Variants in KLHL1 observed in about 807,000 individuals in gnomAD.
KLHL1 encodes kelch like family member 1, also known as kelch-like protein 1.
Under a neutral mutation model 77.7 loss-of-function variants are expected in KLHL1, and 47 were observed. That is an observed-to-expected ratio of 0.60 (90% CI 0.48 to 0.77). The LOEUF (loss-of-function observed/expected upper bound fraction) is 0.77, where lower values mean the gene tolerates loss of function less well. Among genes scored for constraint, KLHL1 ranks in the 30% least tolerant of loss-of-function variants. The pLI is 0.00. For missense variants in KLHL1, 925 were observed against 910.8 expected, an observed-to-expected ratio of 1.02 and a Z score of -0.20; for synonymous variants, 360 against 325.2, an observed-to-expected ratio of 1.11 and a Z score of -1.15.
intron 3 of KLHL1, among the ~76,000 whole-genome samples, chr13:69,955,310 G>C (rs182001577): frequency 6.6e-6 from 1 of 151,320 alleles, no homozygotes; most frequent in Non-Finnish European, 1.5e-5. Context: ...ATGTTTGGCA[G>C]TAAGCAGAAG....
chr13:69,726,079 T>C (rs1873286590), intron 8 of KLHL1, among the ~76,000 whole-genome samples: 1 of 152,164 alleles, frequency 6.6e-6, no homozygotes, highest in South Asian at 2.1e-4. Flanking sequence ...TGTATAGTTA[T>C]TTACAATTTT....
intron 4 of KLHL1, among the ~76,000 whole-genome samples, chr13:69,917,459 C>T (rs1422369413): frequency 6.6e-6 from 1 of 152,056 alleles, no homozygotes; most frequent in Non-Finnish European, 1.5e-5. Context: ...AAACCCCCGT[C>T]CCAGTGAGCA....
intron 1 of KLHL1, among the ~76,000 whole-genome samples, chr13:69,977,918 A>G (rs929058873): frequency 2.0e-5 from 3 of 152,208 alleles, no homozygotes; most frequent in Admixed American, 6.5e-5. Flanking sequence ...TTCTATATCC[A>G]CTGATATTAC....
At position 70,086,584 on chromosome 13, in the gene KLHL1, AAAAAAAAAAGAAAGAAAGAAAG is replaced by A. The variant is rs1338294036; in HGVS notation, c.497+20597_497+20618del. Among the ~76,000 whole-genome samples the A allele has an allele frequency of 1.8e-4, 15 of 83,138 alleles. 1 individual carries two copies. Among genetic ancestry groups the A allele is most frequent in the African/African-American group, 5.7e-4 (11 of 19,172 alleles). 54.5% of individuals were successfully genotyped at this position (83,138 alleles called of 152,430 possible). ...GGAAGCTCTGTCTCAAAAAAAAAAA[AAAAAAAAAAGAAAGAAAGAAAG>A]AAAGAAAGAAAGAAAGAAAGAAAGA... On this transcript the variant is annotated intron_variant, in intron 1 of 10. Coordinates refer to ENST00000377844, the MANE Select transcript of KLHL1 (RefSeq NM_020866.3).
intron 1 of KLHL1, among the ~76,000 whole-genome samples, chr13:70,005,681 C>T (rs1371920937): frequency 1.3e-5 from 2 of 151,628 alleles, no homozygotes; most frequent in Admixed American, 6.6e-5. Context: ...TTGCTTATTT[C>T]GCTTTGATTA....
intron 2 of KLHL1, 22 bp from the exon 3 acceptor site, chr13:69,961,466 A>C: frequency 6.2e-7 from 1 of 1,611,794 alleles, no homozygotes; most frequent in South Asian, 1.1e-5. Context: ...ACAGGTTCTA[A>C]TTTAGGTCGT....
chr13:69,872,637 C>G (rs1566350261), intron 5 of KLHL1, among the ~76,000 whole-genome samples: 1 of 152,172 alleles, frequency 6.6e-6, no homozygotes, highest in South Asian at 2.1e-4. Flanking sequence ...GGGAGACACT[C>G]CTTTTGAGAA....
chr13:70,100,228 G>A (rs1420768868), intron 1 of KLHL1, among the ~76,000 whole-genome samples: 1 of 151,722 alleles, frequency 6.6e-6, no homozygotes, highest in Non-Finnish European at 1.5e-5. Flanking sequence ...TGGTCTTTCA[G>A]TGTATGAGTC....
intron 8 of KLHL1, among the ~76,000 whole-genome samples, chr13:69,725,665 A>G (rs1267886450): frequency 2.6e-5 from 4 of 152,168 alleles, no homozygotes; most frequent in Non-Finnish European, 5.9e-5. Context: ...AGCAAGTGTC[A>G]AGAGGATTTT....
chr13:70,004,179 T>A (rs1249646670), intron 1 of KLHL1, among the ~76,000 whole-genome samples: 1 of 151,860 alleles, frequency 6.6e-6, no homozygotes, highest in African/African-American at 2.4e-5. Context: ...TTGGTGAATA[T>A]AAATGGAAGG....
At chr13:69,716,112 C>T (rs2137887930) in intron 9 of KLHL1, among the ~76,000 whole-genome samples, 1 of 152,204 alleles carries the variant, frequency 6.6e-6, no homozygotes, top group African/African-American at 2.4e-5. Flanking sequence ...ATTTGCCTTT[C>T]CATGAATCCA....
At chr13:69,778,753 T>TATC (rs1875963760) in intron 7 of KLHL1, among the ~76,000 whole-genome samples, 1 of 151,838 alleles carries the variant, frequency 6.6e-6, no homozygotes, top group Non-Finnish European at 1.5e-5. Context: ...CTAGTGTTTA[T>TATC]ATCTACTGTA....
chr13:70,107,413 A>T lies in KLHL1; in HGVS notation c.287T>A (p.Leu96Gln). The change falls in exon 1 of 11, where the codon CTG becomes CAG. Residue 96 changes from leucine to glutamine, a missense_variant. Physicochemically the swap from Leu to Gln is moderately radical, Grantham distance 113 (BLOSUM62 -2). Coordinates refer to ENST00000377844, the MANE Select transcript of KLHL1 (RefSeq NM_020866.3). ...CTGCAGCCTCGTGGCAACTGGAAGC[A>T]GGGTGCCATTCAGCGGATTGAAGGA... The part of the protein sequence containing the change: ...SSSFNPLNGT[L>Q]LPVATRLQQG... The T allele has an allele frequency of 6.2e-7, 1 of 1,612,722 alleles. No individual in the cohort carries two copies. The highest frequency in any genetic ancestry group is 2.2e-5 in the East Asian group (1 of 44,852).
chr13:70,080,673 G>A (rs758007259), intron 1 of KLHL1, among the ~76,000 whole-genome samples: 3 of 151,750 alleles, frequency 2.0e-5, no homozygotes, highest in Non-Finnish European at 1.5e-5. Flanking sequence ...CTTGGCTCAC[G>A]GCAACCTCCA....
At chr13:69,875,447 G>A (rs1880729637) in intron 5 of KLHL1, among the ~76,000 whole-genome samples, 1 of 152,054 alleles carries the variant, frequency 6.6e-6, no homozygotes, top group African/African-American at 2.4e-5. Context: ...AGAAAGATGG[G>A]ATGCAAAATA....
intron 1 of KLHL1, among the ~76,000 whole-genome samples, chr13:70,054,856 T>C (rs1210416459): frequency 6.6e-6 from 1 of 151,596 alleles, no homozygotes; most frequent in African/African-American, 2.4e-5. Flanking sequence ...GGAGACAAGT[T>C]ATTTGAATAT....
In KLHL1 at chr13:69,852,244, G is replaced by A. The variant is rs372642698; in HGVS notation, c.1228-13082C>T. On this transcript the variant is annotated intron_variant, in intron 5 of 10. Transcript: ENST00000377844. ...TGCAAGGCTCCTTCACACTCCATCC[G>A]GAATAGGTAATGGCCTCACGTCTGT... 2.1e-4 allele frequency among the ~76,000 whole-genome samples: 32 copies of A among 151,924 alleles called. No individual in the cohort carries two copies. In the South Asian group the frequency reaches 2.7e-3, roughly 13 times the overall value.
intron 5 of KLHL1, among the ~76,000 whole-genome samples, chr13:69,866,912 T>G (rs1025485655): frequency 1.3e-4 from 19 of 151,224 alleles, no homozygotes; most frequent in African/African-American, 4.6e-4. Context: ...TGTCATTATT[T>G]TCTGAGGGAA....
At chr13:69,874,811 G>A (rs540320169) in intron 5 of KLHL1, among the ~76,000 whole-genome samples, 135 of 152,214 alleles carry the variant, frequency 8.9e-4, no homozygotes, top group Admixed American at 3.1e-3. Context: ...ACAGCTGGCA[G>A]AATATGAGTT....
Sources: allele counts gnomAD v4.1 joint callset (sites outside exome capture counted in the v4.1 genomes callset), GRCh38; gene constraint gnomAD v4.1.1; transcripts MANE v1.5; gene names NCBI Gene and HGNC (gene_info 2026-07-23, HGNC 2026-07-21).